The following TACR3 variants were observed in gnomAD, a reference collection of about 807,000 sequenced individuals.
The protein encoded by TACR3 is neuromedin-K receptor.
Under a neutral mutation model 35.0 loss-of-function variants are expected in TACR3, and 34 were observed. The ratio of observed to expected loss-of-function variants is 0.97; its 90% CI spans 0.74 to 1.30. TACR3 has a LOEUF of 1.30. Ranked by LOEUF, TACR3 falls within the 50% of genes most tolerant of loss-of-function variation. TACR3 has a pLI of 0.00. For missense variants in TACR3, 558 were observed against 591.7 expected (o/e 0.94, Z 0.59); for synonymous variants, 233 against 221.1 (o/e 1.05, Z -0.48).
intron 1 of TACR3, among the ~76,000 whole-genome samples, chr4:103,701,182 A>G (rs966547071): frequency 4.6e-5 from 7 of 152,312 alleles, no homozygotes; most frequent in South Asian, 2.1e-4. Context: ...CCTCAAGCTG[A>G]TAGGCAACTT....
chr4:103,638,018 G>T (rs1404255068), intron 3 of TACR3, among the ~76,000 whole-genome samples: 1 of 152,090 alleles, frequency 6.6e-6, no homozygotes, highest in Non-Finnish European at 1.5e-5. Context: ...TACTGCCAAA[G>T]GTAATTTACA....
chr4:103,705,312 T>C (rs188794617), intron 1 of TACR3, among the ~76,000 whole-genome samples: 1 of 152,282 alleles, frequency 6.6e-6, no homozygotes, highest in Admixed American at 6.5e-5. Context: ...ATTGCATGCT[T>C]ACCAACCTCT....
intron 1 of TACR3, among the ~76,000 whole-genome samples, chr4:103,672,153 G>C (rs1192321296): frequency 2.6e-5 from 4 of 152,188 alleles, no homozygotes; most frequent in African/African-American, 7.2e-5. Context: ...CACATCTTCA[G>C]GCTCCACATT....
chr4:103,679,097 A>C (rs1303179282), intron 1 of TACR3, among the ~76,000 whole-genome samples: 3 of 152,004 alleles, frequency 2.0e-5, no homozygotes, highest in East Asian at 1.9e-4. Context: ...TTACTCTATA[A>C]ATTTCATAAA....
At chr4:103,630,132 C>A (rs1725025542) in intron 3 of TACR3, among the ~76,000 whole-genome samples, 1 of 152,036 alleles carries the variant, frequency 6.6e-6, no homozygotes, top group Non-Finnish European at 1.5e-5. Flanking sequence ...AAACTGGCTG[C>A]CCTATGAAGA....
intron 3 of TACR3, among the ~76,000 whole-genome samples, chr4:103,651,585 T>C (rs1297824846): frequency 6.6e-6 from 1 of 151,898 alleles, no homozygotes; most frequent in Non-Finnish European, 1.5e-5. Context: ...TCTACCTCCT[T>C]GTGGCTGAGC....
intron 3 of TACR3, among the ~76,000 whole-genome samples, chr4:103,650,764 ATGTAT>A (rs1725591163): frequency 2.3e-5 from 2 of 87,216 alleles, no homozygotes; most frequent in African/African-American, 9.6e-5. Context: ...ATTATATATG[ATGTAT>A]ATAATATATA....
chr4:103,652,980 A>ATATT (rs1725654884), intron 3 of TACR3, among the ~76,000 whole-genome samples: 1 of 152,102 alleles, frequency 6.6e-6, no homozygotes, highest in Non-Finnish European at 1.5e-5. Context: ...AGGGCCAGCT[A>ATATT]TATTTTAAAA....
chr4:103,604,981 TC>T (rs1237980479), intron 3 of TACR3, among the ~76,000 whole-genome samples: 6 of 86,986 alleles, frequency 6.9e-5, no homozygotes, highest in Non-Finnish European at 6.6e-5. Context: ...CCCTCCCCCC[TC>T]CCCCCACCCC....
intron 1 of TACR3, among the ~76,000 whole-genome samples, chr4:103,702,385 A>C (rs763773555): frequency 4.6e-5 from 7 of 152,216 alleles, no homozygotes; most frequent in Non-Finnish European, 1.0e-4. Context: ...GGCGATCATT[A>C]AAAAGTCAGG....
rs1350186663 is a variant in TACR3 at position 103,588,863 on chromosome 4, C to G, written c.*819G>C. 6.6e-6 allele frequency: 1 copy of G among 152,002 alleles called. No homozygotes were observed. Among genetic ancestry groups the G allele is most frequent in the Non-Finnish European group, 1.5e-5 (1 of 67,984 alleles). 9.4% of individuals were successfully genotyped at this position (152,002 alleles called of 1,614,324 possible). A position where few individuals can be genotyped will look rare whatever the true frequency, so the allele number is the denominator to read the frequency against. On this transcript the variant is annotated 3_prime_UTR_variant, in exon 5 of 5. Coordinates refer to ENST00000304883, the MANE Select transcript of TACR3 (RefSeq NM_001059.3). ...CTCTATTTATTGGAATGTACCTTTACTGTTTTATAATCTAGCTATTTAAAA... is the reference window on the plus strand; with the variant it reads ...CTCTATTTATTGGAATGTACCTTTAGTGTTTTATAATCTAGCTATTTAAAA...
intron 1 of TACR3, among the ~76,000 whole-genome samples, chr4:103,710,642 A>G (rs1722924756): frequency 6.6e-6 from 1 of 152,218 alleles, no homozygotes; most frequent in African/African-American, 2.4e-5. Flanking sequence ...AACTAAGATC[A>G]GAGCAGAACT....
chr4:103,689,998 G>A (rs552583489), intron 1 of TACR3, among the ~76,000 whole-genome samples: 2 of 152,238 alleles, frequency 1.3e-5, no homozygotes, highest in Admixed American at 6.5e-5. Flanking sequence ...GAGCCATAAT[G>A]AAATTAACAG....
At chr4:103,674,419 T>C (rs1471732032) in intron 1 of TACR3, among the ~76,000 whole-genome samples, 1 of 152,054 alleles carries the variant, frequency 6.6e-6, no homozygotes, top group East Asian at 1.9e-4. Flanking sequence ...TGGAAATAGA[T>C]GGAAGTAGGC....
Position 103,589,460 on chromosome 4 carries a change from C to A in TACR3, c.*222G>T. On this transcript the variant is annotated 3_prime_UTR_variant, in exon 5 of 5. Transcript: ENST00000304883. ...ATTGCATATAATAATTTAGAGTTTT[C>A]AAAGAATAAATTTAAAGCCCATTTT... 1.9e-6 allele frequency: 1 copy of A among 531,006 alleles called. No individual in the cohort carries two copies. The highest frequency in any genetic ancestry group is 3.3e-6 in the Non-Finnish European group (1 of 300,314). The allele number at this position is 531,006 out of a possible 1,614,324, so 32.9% of individuals were successfully genotyped here.
chr4:103,671,982 T>G (rs969294475), intron 1 of TACR3, among the ~76,000 whole-genome samples: 8 of 152,184 alleles, frequency 5.3e-5, no homozygotes, highest in African/African-American at 1.9e-4. Context: ...CTTTATCAGC[T>G]AAGTTTATAT....
intron 1 of TACR3, among the ~76,000 whole-genome samples, chr4:103,710,922 C>T (rs551099153): frequency 2.6e-4 from 40 of 152,260 alleles, no homozygotes; most frequent in African/African-American, 9.4e-4. Flanking sequence ...GACACATACA[C>T]CCTCCCAAGA....
In TACR3 at chr4:103,719,381, C is replaced by G; in HGVS notation, c.295G>C (p.Ala99Pro). 1 of 1,614,224 alleles carries G rather than the reference C, an allele frequency of 6.2e-7. No homozygotes were observed. Among genetic ancestry groups the G allele is most frequent in the South Asian group, 1.1e-5 (1 of 91,086 alleles). ...SLAYGVVVAVAVLGNLIVIWI... is the reference protein window; with the variant it reads ...SLAYGVVVAVPVLGNLIVIWI... ...ATGACGATGAGATTTCCCAAAACTG[C>G]CACTGCCACCACCACACCATACGCC... Residue 99 changes from alanine to proline, a missense_variant, in exon 1 of 5, where the codon GCA becomes CCA. Transcript: ENST00000304883.
At chr4:103,667,790 T>A (rs1376334795) in intron 1 of TACR3, among the ~76,000 whole-genome samples, 2 of 152,286 alleles carry the variant, frequency 1.3e-5, no homozygotes, top group Non-Finnish European at 2.9e-5. Flanking sequence ...ATTGAGAGTT[T>A]AATTCCCTAT....
Sources: allele counts gnomAD v4.1 joint callset (sites outside exome capture counted in the v4.1 genomes callset), GRCh38; gene constraint gnomAD v4.1.1; transcripts MANE v1.5; gene names NCBI Gene and HGNC (gene_info 2026-07-23, HGNC 2026-07-21).